RPS6KA5: variants seen among roughly 807,000 people sequenced by gnomAD.
RPS6KA5 encodes ribosomal protein S6 kinase A5, also known as ribosomal protein S6 kinase alpha-5.
A neutral mutation model predicts 85.5 loss-of-function variants in RPS6KA5; 27 were observed. The observed-to-expected ratio is 0.32, with a 90% CI of 0.23 to 0.44. RPS6KA5 has a LOEUF of 0.44. Among genes scored for constraint, RPS6KA5 ranks in the 20% least tolerant of loss-of-function variants. The pLI is 1.00. For synonymous variants in RPS6KA5, 334 were observed against 348.2 expected (o/e 0.96, Z 0.46); for missense variants, 811 against 980.9 (o/e 0.83, Z 2.31).
At chr14:90,901,269 G>A (rs982219619) in intron 9 of RPS6KA5, among the ~76,000 whole-genome samples, 2 of 151,912 alleles carry the variant, frequency 1.3e-5, no homozygotes, top group Admixed American at 6.6e-5. Flanking sequence ...CATGCCTGAC[G>A]GGGTTTCACC....
intron 3 of RPS6KA5, among the ~76,000 whole-genome samples, chr14:90,962,632 G>A (rs2038865565): frequency 6.6e-6 from 1 of 151,812 alleles, no homozygotes; most frequent in Non-Finnish European, 1.5e-5. Context: ...TGTTGCCTAG[G>A]CTGGAGTGCA....
chr14:90,949,027 C>A (rs2038031480), intron 3 of RPS6KA5, among the ~76,000 whole-genome samples: 1 of 152,162 alleles, frequency 6.6e-6, no homozygotes, highest in South Asian at 2.1e-4. Flanking sequence ...AACCACACGA[C>A]AGCAAAAAGC....
At chr14:90,974,754 G>A (rs1191042065) in intron 3 of RPS6KA5, among the ~76,000 whole-genome samples, 1 of 152,218 alleles carries the variant, frequency 6.6e-6, no homozygotes, top group African/African-American at 2.4e-5. Flanking sequence ...TCACAGCCCA[G>A]CCAACTCTCC....
chr14:90,946,139 T>C (rs1328120329), intron 4 of RPS6KA5, among the ~76,000 whole-genome samples: 2 of 152,210 alleles, frequency 1.3e-5, no homozygotes, highest in Non-Finnish European at 2.9e-5. Context: ...TATGAAAATG[T>C]CTTAACTATC....
chr14:91,044,850 A>G (rs559740781), intron 1 of RPS6KA5, among the ~76,000 whole-genome samples: 9 of 151,180 alleles, frequency 6.0e-5, no homozygotes, highest in Admixed American at 4.6e-4. Flanking sequence ...CAGCCTGGGC[A>G]ACAGAGCGAG....
rs186687711 is a variant in RPS6KA5 at position 90,861,221 on chromosome 14, C to G, written c.*10853G>C. 2.4e-4 allele frequency: 36 copies of G among 150,038 alleles called. No homozygotes were observed. The highest frequency in any genetic ancestry group is 6.0e-4 in the Admixed American group (9 of 15,096). The allele number at this position is 150,038 out of a possible 1,614,324, so 9.3% of individuals were successfully genotyped here. ...GTCTTTAAAATATATAGTAGTAGTACTACTAATAAAAATAATGTCGGCCGG... is the reference window on the plus strand; with the variant it reads ...GTCTTTAAAATATATAGTAGTAGTAGTACTAATAAAAATAATGTCGGCCGG... On this transcript the variant is annotated 3_prime_UTR_variant, in exon 17 of 17. Transcript: ENST00000614987.
At chr14:91,022,303 A>G (rs565677717) in intron 1 of RPS6KA5, among the ~76,000 whole-genome samples, 6 of 152,348 alleles carry the variant, frequency 3.9e-5, no homozygotes, top group African/African-American at 1.4e-4. Context: ...TACAAGAATA[A>G]TGATCAAATT....
Position 91,027,959 on chromosome 14 carries a change from G to A in RPS6KA5, c.104-26800C>T, listed in dbSNP as rs551696061. Among the ~76,000 whole-genome samples the A allele has an allele frequency of 1.2e-4, 19 of 152,250 alleles. No homozygotes were observed. In the South Asian group the frequency reaches 2.5e-3, roughly 20 times the overall value. Reference sequence around the variant, plus strand: ...ACCTAAAATATTCCTAAACATTTCTGTTAGCTGCAGTAATGTACTTAGCAT... The same window carrying A: ...ACCTAAAATATTCCTAAACATTTCTATTAGCTGCAGTAATGTACTTAGCAT... On this transcript the variant is annotated intron_variant, in intron 1 of 16. Coordinates refer to ENST00000614987, the MANE Select transcript of RPS6KA5 (RefSeq NM_004755.4).
At chr14:91,017,906 G>A (rs1473851149) in intron 1 of RPS6KA5, among the ~76,000 whole-genome samples, 1 of 152,190 alleles carries the variant, frequency 6.6e-6, no homozygotes, top group Non-Finnish European at 1.5e-5. Context: ...AAAGGAGGGA[G>A]TTACAGTGTT....
intron 14 of RPS6KA5, among the ~76,000 whole-genome samples, chr14:90,884,789 C>T (rs948839979): frequency 6.6e-6 from 1 of 152,108 alleles, no homozygotes; most frequent in Non-Finnish European, 1.5e-5. Context: ...TCTTCTTATA[C>T]ATGTCTTTGT....
intron 1 of RPS6KA5, among the ~76,000 whole-genome samples, chr14:91,059,085 T>C (rs1595581441): frequency 6.6e-6 from 1 of 152,092 alleles, no homozygotes; most frequent in East Asian, 1.9e-4. Context: ...CCCAGCACTT[T>C]GGGAGGCCGA....
chr14:91,023,630 T>C (rs2041876516), intron 1 of RPS6KA5, among the ~76,000 whole-genome samples: 1 of 151,238 alleles, frequency 6.6e-6, no homozygotes, highest in African/African-American at 2.4e-5. Context: ...GTTAGTTGGA[T>C]ATAACTCTTG....
chr14:90,973,250 AG>A (rs1279312078), intron 3 of RPS6KA5, among the ~76,000 whole-genome samples: 1 of 152,044 alleles, frequency 6.6e-6, no homozygotes, highest in Non-Finnish European at 1.5e-5. Context: ...AGACCAGCCT[AG>A]CCAACATGGT....
chr14:91,022,914 A>G (rs2041841499), intron 1 of RPS6KA5, among the ~76,000 whole-genome samples: 1 of 151,932 alleles, frequency 6.6e-6, no homozygotes, highest in Admixed American at 6.6e-5. Context: ...GTGAAACCCC[A>G]TCTCTACTAA....
At chr14:91,025,095 A>G (rs2139812087) in intron 1 of RPS6KA5, among the ~76,000 whole-genome samples, 1 of 152,046 alleles carries the variant, frequency 6.6e-6, no homozygotes. Flanking sequence ...CCCAGGCTGG[A>G]GTGCAGTGGT....
chr14:90,943,134 T>C lies in RPS6KA5; in HGVS notation c.562A>G (p.Asn188Asp), dbSNP rs528231414. ...IKLENILLDSNGHVVLTDFGL... is the reference protein window; with the variant it reads ...IKLENILLDSDGHVVLTDFGL... ...AAATCTGTCAGCACCACATGGCCAT[T>C]AGAATCAAGTAGAATATTCTCAAGC... The change falls in exon 5 of 17, where the codon AAT becomes GAT. Residue 188 changes from asparagine to aspartate, a missense_variant. Asn to Asp is a conservative substitution (Grantham distance 23, BLOSUM62 1). Coordinates refer to ENST00000614987, the MANE Select transcript of RPS6KA5 (RefSeq NM_004755.4). 11 of 1,611,226 alleles carry C rather than the reference T, an allele frequency of 6.8e-6. No individual in the cohort carries two copies. The East Asian group carries it at 2.2e-4, about 33-fold the overall frequency.
intron 3 of RPS6KA5, among the ~76,000 whole-genome samples, chr14:90,956,111 C>T (rs1041102039): frequency 6.6e-6 from 1 of 152,142 alleles, no homozygotes; most frequent in South Asian, 2.1e-4. Flanking sequence ...CAGGGGGATG[C>T]ATATAAGTTA....
chr14:90,919,918 G>A (rs538725944), intron 7 of RPS6KA5, among the ~76,000 whole-genome samples: 2 of 152,132 alleles, frequency 1.3e-5, no homozygotes, highest in Non-Finnish European at 2.9e-5. Context: ...AATATATGAC[G>A]TATCTACTAA....
At chr14:90,875,884 A>G (rs1300559694) in intron 14 of RPS6KA5, among the ~76,000 whole-genome samples, 2 of 122,946 alleles carry the variant, frequency 1.6e-5, no homozygotes, top group African/African-American at 6.2e-5. Context: ...GGGGAACATC[A>G]CACACCGGGG....
Sources: allele counts gnomAD v4.1 joint callset (sites outside exome capture counted in the v4.1 genomes callset), GRCh38; gene constraint gnomAD v4.1.1; transcripts MANE v1.5; gene names NCBI Gene and HGNC (gene_info 2026-07-23, HGNC 2026-07-21).